CHRM3: variants seen among roughly 807,000 people sequenced by gnomAD.
The protein encoded by CHRM3 is muscarinic acetylcholine receptor M3.
In CHRM3, 11 loss-of-function variants were observed where a neutral mutation model predicts 41.8. The ratio of observed to expected loss-of-function variants is 0.26; its 90% CI spans 0.17 to 0.44. The LOEUF is 0.44. CHRM3 is among the 20% of genes least tolerant of loss of function. CHRM3 has a pLI of 1.00. For synonymous variants in CHRM3, 297 were observed against 301.4 expected, an observed-to-expected ratio of 0.99 and a Z score of 0.15; for missense variants, 571 against 745.4, an observed-to-expected ratio of 0.77 and a Z score of 2.72.
chr1:239,566,713 CT>C (rs1350525438), intron 3 of CHRM3, among the ~76,000 whole-genome samples: 2 of 152,126 alleles, frequency 1.3e-5, no homozygotes, highest in African/African-American at 2.4e-5. Context: ...GAGGCATATT[CT>C]TTGACTCAAC....
At chr1:239,781,281 T>G (rs1668492294) in intron 5 of CHRM3, among the ~76,000 whole-genome samples, 1 of 152,172 alleles carries the variant, frequency 6.6e-6, no homozygotes, top group Non-Finnish European at 1.5e-5. Flanking sequence ...TTGACAGCTT[T>G]TATAGTTTCA....
intron 4 of CHRM3, among the ~76,000 whole-genome samples, chr1:239,639,081 C>T (rs1208354283): frequency 3.6e-4 from 54 of 151,396 alleles, no homozygotes; most frequent in African/African-American, 1.3e-3. Flanking sequence ...TGTAGATATG[C>T]GGCATTATTT....
At chr1:239,862,455 A>G (rs1352146663) in intron 6 of CHRM3, among the ~76,000 whole-genome samples, 3 of 152,232 alleles carry the variant, frequency 2.0e-5, no homozygotes, top group Admixed American at 2.0e-4. Flanking sequence ...AGAAGTCATT[A>G]CATGACAATT....
intron 5 of CHRM3, among the ~76,000 whole-genome samples, chr1:239,728,449 T>C (rs911581366): frequency 8.6e-5 from 13 of 152,002 alleles, no homozygotes; most frequent in African/African-American, 3.1e-4. Flanking sequence ...CATCCATCAA[T>C]ATTCCTACTT....
chr1:239,563,692 C>A (rs1661094872), intron 3 of CHRM3, among the ~76,000 whole-genome samples: 1 of 151,900 alleles, frequency 6.6e-6, no homozygotes, highest in Non-Finnish European at 1.5e-5. Flanking sequence ...TGTAATGAAC[C>A]AAGGGGTCTC....
rs549528417 is a variant in CHRM3 at position 239,840,183 on chromosome 1, C to T, written c.-20+12805C>T. On this transcript the variant is annotated intron_variant, in intron 6 of 6. Transcript: ENST00000676153. Reference sequence around the variant, plus strand: ...AAAGTTGTCTGTAAATTTACCTGTACATTATGTGTGCATTTAGAAACATAT... The same window carrying T: ...AAAGTTGTCTGTAAATTTACCTGTATATTATGTGTGCATTTAGAAACATAT... 6.6e-4 allele frequency among the ~76,000 whole-genome samples: 100 copies of T among 152,216 alleles called. 2 individuals are homozygous for T. The highest frequency in any genetic ancestry group is 1.7e-3 in the African/African-American group (71 of 41,528).
At chr1:239,712,639 G>A (rs917713796) in intron 5 of CHRM3, among the ~76,000 whole-genome samples, 6 of 152,152 alleles carry the variant, frequency 3.9e-5, no homozygotes, top group Admixed American at 6.5e-5. Flanking sequence ...TACTTGCATT[G>A]CAATCTTAAA....
At chr1:239,743,873 G>A (rs1040338472) in intron 5 of CHRM3, among the ~76,000 whole-genome samples, 7 of 133,908 alleles carry the variant, frequency 5.2e-5, no homozygotes, top group African/African-American at 8.5e-5. Context: ...GCTCACTGCA[G>A]CCTTGAACTC....
intron 5 of CHRM3, among the ~76,000 whole-genome samples, chr1:239,806,133 C>T (rs980282815): frequency 3.3e-5 from 5 of 152,192 alleles, no homozygotes; most frequent in Non-Finnish European, 7.4e-5. Context: ...TCTGAGATGT[C>T]GTAATTAGCC....
At chr1:239,521,156 A>G (rs1387292800) in intron 2 of CHRM3, among the ~76,000 whole-genome samples, 1 of 152,220 alleles carries the variant, frequency 6.6e-6, no homozygotes, top group African/African-American at 2.4e-5. Flanking sequence ...ATTTACTTCC[A>G]ATTACTGCAG....
Position 239,432,404 on chromosome 1 carries a change from T to C in CHRM3, c.-521+45177T>C, listed in dbSNP as rs112630912. Among the ~76,000 whole-genome samples the C allele has an allele frequency of 5.6e-3, 845 of 152,232 alleles. 12 individuals are homozygous for C. Among genetic ancestry groups the C allele is most frequent in the African/African-American group, 0.019 (800 of 41,526 alleles). On this transcript the variant is annotated intron_variant, in intron 1 of 6. Transcript: ENST00000676153. ...TATATTGATATTGAAACATATTGAG[T>C]CTCCTCTTCAGTCATCTGGGTTTCA...
intron 1 of CHRM3, among the ~76,000 whole-genome samples, chr1:239,410,593 C>T (rs1313306492): frequency 6.6e-6 from 1 of 152,186 alleles, no homozygotes; most frequent in South Asian, 2.1e-4. Context: ...AGTGATCTCA[C>T]GGTCTGTCAC....
intron 5 of CHRM3, among the ~76,000 whole-genome samples, chr1:239,740,582 A>C (rs142452383): frequency 6.6e-6 from 1 of 152,128 alleles, no homozygotes; most frequent in East Asian, 1.9e-4. Flanking sequence ...TAAGCCCTGC[A>C]TGCATTAGGT....
chr1:239,412,891 C>A (rs1198062844), intron 1 of CHRM3, among the ~76,000 whole-genome samples: 1 of 151,752 alleles, frequency 6.6e-6, no homozygotes, highest in African/African-American at 2.4e-5. Flanking sequence ...CCAGCCTGGC[C>A]AACATGGTGA....
chr1:239,480,795 T>C (rs1478252012), intron 1 of CHRM3, among the ~76,000 whole-genome samples: 1 of 152,018 alleles, frequency 6.6e-6, no homozygotes, highest in East Asian at 1.9e-4. Flanking sequence ...CCTGACCTTG[T>C]GATCTGCCCG....
Position 239,718,730 on chromosome 1 carries a change from A to T in CHRM3, c.-147+40442A>T, listed in dbSNP as rs923518725. 3.3e-5 allele frequency: 5 copies of T among 152,144 alleles called. No individual in the cohort carries two copies. In the East Asian group the frequency reaches 9.7e-4, roughly 30 times the overall value. 9.4% of individuals were successfully genotyped at this position (152,144 alleles called of 1,614,324 possible). On this transcript the variant is annotated intron_variant, in intron 5 of 6. Transcript: ENST00000676153. ...ACAAGGAAAGAATCAACTTGAAGTCATTCAGAAGTAACCACTAGTAGCAAT... is the reference window on the plus strand; with the variant it reads ...ACAAGGAAAGAATCAACTTGAAGTCTTTCAGAAGTAACCACTAGTAGCAAT...
At chr1:239,632,016 G>T (rs1315030249) in intron 3 of CHRM3, among the ~76,000 whole-genome samples, 1 of 152,136 alleles carries the variant, frequency 6.6e-6, no homozygotes, top group African/African-American at 2.4e-5. Context: ...TCCAGTGACG[G>T]GTACCTTAAC....
chr1:239,497,015 AG>A (rs1667931479), intron 2 of CHRM3, among the ~76,000 whole-genome samples: 1 of 152,182 alleles, frequency 6.6e-6, no homozygotes, highest in Non-Finnish European at 1.5e-5. Flanking sequence ...GATATTCCCA[AG>A]TAGGATCTAT....
intron 6 of CHRM3, among the ~76,000 whole-genome samples, chr1:239,875,352 C>T (rs187784441): frequency 2.0e-4 from 30 of 152,278 alleles, no homozygotes; most frequent in Admixed American, 9.2e-4. Context: ...GACTATTCGA[C>T]TCTGTTGTAG....
Sources: gnomAD v4.1 joint callset for allele counts (sites outside exome capture counted in the v4.1 genomes callset) on GRCh38, gnomAD v4.1.1 for gene constraint, MANE v1.5 for transcripts, NCBI Gene and HGNC (gene_info 2026-07-23, HGNC 2026-07-21) for gene names.